COL6A1: variants seen among roughly 807,000 people sequenced by gnomAD.
COL6A1 encodes the protein collagen type VI alpha 1 chain, also known as collagen alpha-1(VI) chain.
COL6A1 carries 80 observed loss-of-function variants against 145.6 expected under a neutral mutation model. The observed-to-expected ratio is 0.55, with a 90% CI of 0.46 to 0.66. The LOEUF (loss-of-function observed/expected upper bound fraction) is 0.66, where lower values mean the gene tolerates loss of function less well. Among genes scored for constraint, COL6A1 ranks in the 30% least tolerant of loss-of-function variants. The pLI is 0.00. For synonymous variants in COL6A1, 638 were observed against 622.8 expected, an observed-to-expected ratio of 1.02 and a Z score of -0.36; for missense variants, 1,364 against 1,473.8, an observed-to-expected ratio of 0.93 and a Z score of 1.22.
In COL6A1 at chr21:45,999,317, G is replaced by T. The variant is rs528288666; in HGVS notation, c.1740+99G>T. 1.4e-5 allele frequency: 17 copies of T among 1,236,648 alleles called. 1 individual carries two copies. In the South Asian group the frequency reaches 2.2e-4, roughly 16 times the overall value. The allele number at this position is 1,236,648 out of a possible 1,614,324, so 76.6% of individuals were successfully genotyped here. A position where few individuals can be genotyped will look rare whatever the true frequency, so the allele number is the denominator to read the frequency against. On this transcript the variant is annotated intron_variant, in intron 26 of 34. Transcript: ENST00000361866. ...GGAAGAGGCTGGGAGAGTGGGAGGC[G>T]GCGGGAGGGAATTTTGGGGAGCACG...
chr21:46,002,801 G>A, intron 33 of COL6A1, 91 bp downstream of exon 33: 1 of 1,426,298 alleles, frequency 7.0e-7, no homozygotes, highest in African/African-American at 1.4e-5. Flanking sequence ...GTGCACGCGG[G>A]GCCGCCCGGG....
chr21:46,002,996 C>T (rs898827404), intron 33 of COL6A1, 124 bp from the exon 34 acceptor site: 37 of 1,424,852 alleles, frequency 2.6e-5, no homozygotes, highest in Middle Eastern at 3.7e-4. Context: ...ATCCTCCTCC[C>T]GGCTCGCTGT....
rs943264596 is a variant in COL6A1 at position 46,004,262 on chromosome 21, A to G, written c.*249A>G. 19 of 580,776 alleles carry G rather than the reference A, an allele frequency of 3.3e-5. No homozygotes were observed. The highest frequency in any genetic ancestry group is 5.8e-5 in the Non-Finnish European group (19 of 328,048). 36.0% of individuals were successfully genotyped at this position (580,776 alleles called of 1,614,324 possible). A position where few individuals can be genotyped will look rare whatever the true frequency, so the allele number is the denominator to read the frequency against. On this transcript the variant is annotated 3_prime_UTR_variant, in exon 35 of 35. Coordinates refer to ENST00000361866, the MANE Select transcript of COL6A1 (RefSeq NM_001848.3). ...AGCCCTGAGCTAGTGTCACCTGCAC[A>G]GGGCCCTCTGAGGCTCAGCCCTGAG... is the stretch of plus-strand genomic sequence containing the variant.
Position 45,981,928 on chromosome 21 carries a change from G to T in COL6A1, c.78G>T (p.Pro26=). The T allele has an allele frequency of 6.2e-7, 1 of 1,607,312 alleles. No individual in the cohort carries two copies. The highest frequency in any genetic ancestry group is 8.5e-7 in the Non-Finnish European group (1 of 1,178,148). The change falls in exon 1 of 35, where the codon CCG becomes CCT. Residue 26 remains proline (P), a synonymous_variant. Coordinates refer to ENST00000361866, the MANE Select transcript of COL6A1 (RefSeq NM_001848.3). ...WTAAQDEPET[P]RAVAFQDCPV... ...CCGCGCAGGATGAGCCGGAGACCCC[G>T]AGGGCCGTGGCCTTCCAGGGTGAGT...
At position 45,989,665 on chromosome 21, in the gene COL6A1, C is replaced by T; in HGVS notation, c.903+13C>T. 4 of 1,613,194 alleles carry T rather than the reference C, an allele frequency of 2.5e-6. No homozygotes were observed. Among genetic ancestry groups the T allele is most frequent in the South Asian group, 2.2e-5 (2 of 91,086 alleles). On this transcript the variant is annotated intron_variant, in intron 10 of 34. Coordinates refer to ENST00000361866, the MANE Select transcript of COL6A1 (RefSeq NM_001848.3). The stretch of plus-strand genomic sequence containing the variant: ...CCAGGGAATGAAGGTACGTGCCCCC[C>T]CTTTCCTGGCCCGAGCCCGGTGGTG...
At chr21:45,999,252 G>T (rs1437334310) in intron 26 of COL6A1, 34 bp downstream of exon 26, 2 of 1,557,542 alleles carry the variant, frequency 1.3e-6, no homozygotes, top group Non-Finnish European at 1.7e-6. Flanking sequence ...GCCACGGTGG[G>T]CTGTGCCTGG....
rs567414051 is a variant in COL6A1, at chr21:45,994,505, C to T, written c.1398+276C>T. ...GAGAAGCGCTGTCTGGGGGCCCATCCGGGGCAAGGGTGCCTCACAGTGAGG... is the reference window on the plus strand; with the variant it reads ...GAGAAGCGCTGTCTGGGGGCCCATCTGGGGCAAGGGTGCCTCACAGTGAGG... On this transcript the variant is annotated intron_variant, in intron 20 of 34. Coordinates refer to ENST00000361866, the MANE Select transcript of COL6A1 (RefSeq NM_001848.3). The surrounding 1 kb of genome is among the most constrained non-coding windows in gnomAD (Gnocchi z 6.8). Among the ~76,000 whole-genome samples the T allele has an allele frequency of 2.1e-4, 32 of 152,164 alleles. No individual in the cohort carries two copies. Among genetic ancestry groups the T allele is most frequent in the African/African-American group, 6.3e-4 (26 of 41,518 alleles).
At chr21:45,996,700 G>T (rs1197940901) in intron 20 of COL6A1, among the ~76,000 whole-genome samples, 1 of 152,118 alleles carries the variant, frequency 6.6e-6, no homozygotes, top group East Asian at 1.9e-4. Context: ...AGCTGGGCGC[G>T]CTGGGAAGTG....
chr21:45,995,499 A>C (rs908640943), intron 20 of COL6A1, among the ~76,000 whole-genome samples: 1 of 152,232 alleles, frequency 6.6e-6, no homozygotes, highest in Non-Finnish European at 1.5e-5. Context: ...CTCAGTGGGA[A>C]TGAGCGTTCA....
Position 46,004,722 on chromosome 21 carries a change from C to T in COL6A1, c.*709C>T, listed in dbSNP as rs1456133555. ...CTTGGCCCTACAGCCCTGGAGGCCG[C>T]TGCTGACCAGCACTGACCCCGACCT... On this transcript the variant is annotated 3_prime_UTR_variant, in exon 35 of 35. Coordinates refer to ENST00000361866, the MANE Select transcript of COL6A1 (RefSeq NM_001848.3). 2.2e-6 allele frequency: 1 copy of T among 453,258 alleles called. No individual in the cohort carries two copies. Among genetic ancestry groups the T allele is most frequent in the Admixed American group, 2.4e-5 (1 of 42,390 alleles). 28.1% of individuals were successfully genotyped at this position (453,258 alleles called of 1,614,324 possible).
At chr21:46,000,051 C>CAT (rs2077834195) in intron 27 of COL6A1, among the ~76,000 whole-genome samples, 1 of 27,296 alleles carries the variant, frequency 3.7e-5, no homozygotes, top group Admixed American at 5.6e-4. Flanking sequence ...TGGGGGGGGA[C>CAT]GTGTGAGGAT....
rs766551754 is a variant in COL6A1, at chr21:45,989,792, G to A, written c.930+14G>A. 17 of 1,612,818 alleles carry A rather than the reference G, an allele frequency of 1.1e-5. No homozygotes were observed. In the East Asian group the frequency reaches 1.6e-4, roughly 15 times the overall value. Reference sequence around the variant, plus strand: ...CGTGGGGAGAAGGTGAGTGAGGCTCGACCTCGGAGCTGGTCTCTCCAGGCG... The same window carrying A: ...CGTGGGGAGAAGGTGAGTGAGGCTCAACCTCGGAGCTGGTCTCTCCAGGCG... On this transcript the variant is annotated intron_variant, in intron 11 of 34. Coordinates refer to ENST00000361866, the MANE Select transcript of COL6A1 (RefSeq NM_001848.3).
chr21:45,990,184 C>T (rs922266915), intron 11 of COL6A1, 74 bp from the exon 12 acceptor site: 104 of 1,581,458 alleles, frequency 6.6e-5, no homozygotes, highest in Non-Finnish European at 8.4e-5. Context: ...CCCTGCCTCG[C>T]GTGGGCCTAA....
chr21:45,984,578 C>A, intron 3 of COL6A1, 109 bp downstream of exon 3: 2 of 1,037,860 alleles, frequency 1.9e-6, no homozygotes, highest in Non-Finnish European at 2.9e-6. Flanking sequence ...CCTCCCTGTT[C>A]TCTTGGAGGC....
At chr21:45,998,618 C>G (rs558881210) in intron 24 of COL6A1, among the ~76,000 whole-genome samples, 185 bp downstream of exon 24, 3 of 152,296 alleles carry the variant, frequency 2.0e-5, no homozygotes, top group Non-Finnish European at 4.4e-5. Context: ...GCAGGCCCTG[C>G]GAGGCTCCCA....
At chr21:45,991,368 C>T (rs1266541147) in intron 15 of COL6A1, among the ~76,000 whole-genome samples, 1 of 152,130 alleles carries the variant, frequency 6.6e-6, no homozygotes, top group East Asian at 1.9e-4. Context: ...AGCCGCAGCC[C>T]AGAATGGCTC....
In COL6A1 at chr21:46,002,655, TGCAGA is replaced by T; in HGVS notation, c.2382_2386del (p.Glu795AlafsTer33). On this transcript the variant is annotated frameshift_variant, in exon 33 of 35. Coordinates refer to ENST00000361866, the MANE Select transcript of COL6A1 (RefSeq NM_001848.3). LOFTEE classifies it high-confidence loss of function. ...GCCTCTCGCTGGTCAAGGAGAACTA[TGCAGA>T]GCTGCTGGAGGATGCCTTCCTGAAG... 2.5e-6 allele frequency: 4 copies of T among 1,613,920 alleles called. No individual in the cohort carries two copies. Among genetic ancestry groups the T allele is most frequent in the Non-Finnish European group, 3.4e-6 (4 of 1,179,978 alleles).
In COL6A1 at chr21:46,001,472, C is replaced by A; in HGVS notation, c.1956+86C>A. The A allele has an allele frequency of 2.6e-6, 4 of 1,541,666 alleles. No homozygotes were observed. The Middle Eastern group carries it at 5.2e-4, about 199-fold the overall frequency. On this transcript the variant is annotated intron_variant, in intron 30 of 34. Transcript: ENST00000361866. ...CCCTGCCCGCGCCAGACCTCAGCCT[C>A]CCGAGGCCACCGCTGCATCCCTGTG...
intron 33 of COL6A1, among the ~76,000 whole-genome samples, 161 bp from the exon 34 acceptor site, chr21:46,002,959 G>A (rs1001261552): frequency 3.3e-5 from 5 of 152,224 alleles, no homozygotes; most frequent in African/African-American, 1.2e-4. Flanking sequence ...AGGTGCGCAC[G>A]GGGCCGCCTG....
Sources: allele counts gnomAD v4.1 joint callset (sites outside exome capture counted in the v4.1 genomes callset), GRCh38; gene constraint gnomAD v4.1.1; non-coding constraint Gnocchi (gnomAD v3.1); transcripts MANE v1.5; gene names NCBI Gene and HGNC (gene_info 2026-07-23, HGNC 2026-07-21).